The following EYS variants were observed in gnomAD, a reference collection of about 807,000 sequenced individuals.
The protein encoded by EYS is protein eyes shut homolog.
A neutral mutation model predicts 282.1 loss-of-function variants in EYS; 250 were observed. The ratio of observed to expected loss-of-function variants is 0.89; its 90% confidence interval spans 0.80 to 0.98. The LOEUF (loss-of-function observed/expected upper bound fraction) is 0.98, where lower values mean the gene tolerates loss of function less well. Ranked by LOEUF, EYS falls within the 50% of genes least tolerant of loss-of-function variation. The probability of loss-of-function intolerance (pLI) is 0.00; values close to 1 mark genes in which losing one functional copy is unlikely to be tolerated. For missense variants in EYS, 4,016 were observed against 3,709.0 expected (o/e 1.08, Z -2.15); for synonymous variants, 1,355 against 1,282.9 (o/e 1.06, Z -1.20).
At chr6:65,444,817 A>G (rs1768590482) in intron 5 of EYS, among the ~76,000 whole-genome samples, 1 of 152,096 alleles carries the variant, frequency 6.6e-6, no homozygotes, top group South Asian at 2.1e-4. Flanking sequence ...AATGAACTAT[A>G]TCAACTATTT....
chr6:65,270,615 T>C (rs1767872518), intron 12 of EYS, among the ~76,000 whole-genome samples: 1 of 152,190 alleles, frequency 6.6e-6, no homozygotes, highest in Admixed American at 6.5e-5. Flanking sequence ...CTTCAAGTCA[T>C]TTATCTCATC....
At chr6:63,880,487 GTATCTATC>G (rs56891791) in intron 35 of EYS, among the ~76,000 whole-genome samples, 33 of 142,780 alleles carry the variant, frequency 2.3e-4, no homozygotes, top group East Asian at 1.2e-3. Flanking sequence ...CTGTCTGTCT[GTATCTATC>G]TATCTATCTA....
chr6:65,025,309 TAAAAC>T (rs1007573945), intron 13 of EYS, among the ~76,000 whole-genome samples: 23 of 152,088 alleles, frequency 1.5e-4, no homozygotes, highest in African/African-American at 5.1e-4. Context: ...TCACCCCACT[TAAAAC>T]AATACAGCAA....
rs572962952 is a variant in EYS, at chr6:65,571,435, T to C, written c.-333+68343A>G. 2.6e-5 allele frequency among the ~76,000 whole-genome samples: 4 copies of C among 152,162 alleles called. No homozygotes were observed. The South Asian group carries it at 8.3e-4, about 32-fold the overall frequency. On this transcript the variant is annotated intron_variant, in intron 2 of 42. Coordinates refer to ENST00000503581, the MANE Select transcript of EYS (RefSeq NM_001142800.2). Reference sequence around the variant, plus strand: ...ATACTCTTTCTGGTACAGAGAAGGATAGACTTTTACAAATAGAAATTTCCT... The same window carrying C: ...ATACTCTTTCTGGTACAGAGAAGGACAGACTTTTACAAATAGAAATTTCCT...
At chr6:64,925,703 T>A (rs1768493712) in intron 15 of EYS, among the ~76,000 whole-genome samples, 1 of 152,154 alleles carries the variant, frequency 6.6e-6, no homozygotes, top group Non-Finnish European at 1.5e-5. Context: ...TGATCTCTCA[T>A]CTACACCCAA....
chr6:65,329,718 C>T (rs1769726595), intron 11 of EYS: 1 of 974,966 alleles, frequency 1.0e-6, no homozygotes, highest in Non-Finnish European at 1.2e-6. Context: ...GCAGAAATTA[C>T]AATAGTCTTA....
chr6:64,429,655 TAAAC>T (rs1191626017), intron 28 of EYS, among the ~76,000 whole-genome samples: 2 of 152,114 alleles, frequency 1.3e-5, no homozygotes, highest in Non-Finnish European at 2.9e-5. Flanking sequence ...AAGAAAAACT[TAAAC>T]ATGGTTAATT....
At chr6:64,155,544 G>A (rs1774887654) in intron 31 of EYS, among the ~76,000 whole-genome samples, 1 of 152,066 alleles carries the variant, frequency 6.6e-6, no homozygotes. Context: ...TAGAAAGGCT[G>A]AGCTTCACAA....
intron 31 of EYS, among the ~76,000 whole-genome samples, chr6:64,199,078 G>C (rs1347737305): frequency 1.3e-5 from 2 of 152,002 alleles, no homozygotes; most frequent in African/African-American, 2.4e-5. Flanking sequence ...CTAATGAGCA[G>C]TGACTACTTT....
chr6:64,304,127 C>A lies in EYS; in HGVS notation c.6191+2843G>T, dbSNP rs1441613929. 5.3e-5 allele frequency among the ~76,000 whole-genome samples: 8 copies of A among 152,246 alleles called. No individual in the cohort carries two copies. The East Asian group carries it at 1.5e-3, about 29-fold the overall frequency. ...ACTAAATAAACGTGAACTTCACCAG[C>A]TTTTGAGGCCGATGCTGCAGACTCT... is the stretch of plus-strand genomic sequence containing the variant. On this transcript the variant is annotated intron_variant, in intron 30 of 42. Transcript: ENST00000503581.
At chr6:65,185,520 AAC>A (rs1301616974) in intron 12 of EYS, among the ~76,000 whole-genome samples, 1 of 151,854 alleles carries the variant, frequency 6.6e-6, no homozygotes, top group Non-Finnish European at 1.5e-5. Context: ...ATTTATTCTA[AAC>A]ACAAAATATT....
intron 26 of EYS, among the ~76,000 whole-genome samples, chr6:64,454,467 A>G (rs1158704492): frequency 6.6e-6 from 1 of 152,164 alleles, no homozygotes; most frequent in Non-Finnish European, 1.5e-5. Flanking sequence ...CATTGATTTT[A>G]CTGAAAATGT....
At chr6:64,287,098 C>A (rs1768530388) in intron 30 of EYS, among the ~76,000 whole-genome samples, 1 of 152,068 alleles carries the variant, frequency 6.6e-6, no homozygotes, top group African/African-American at 2.4e-5. Context: ...TTCTAAAGCT[C>A]AATTGTTCAT....
At chr6:64,390,898 A>G (rs1459864418) in intron 28 of EYS, among the ~76,000 whole-genome samples, 1 of 147,406 alleles carries the variant, frequency 6.8e-6, no homozygotes, top group Non-Finnish European at 1.5e-5. Flanking sequence ...AGAATGTATA[A>G]CTAGAATAAC....
In EYS at chr6:63,724,115, G is replaced by A. The variant is rs114259742; in HGVS notation, c.8234-2318C>T. Among the ~76,000 whole-genome samples the A allele has an allele frequency of 3.7e-3, 564 of 152,150 alleles. 1 individual carries two copies. The highest frequency in any genetic ancestry group is 0.013 in the African/African-American group (520 of 41,542). ...TGCCACTGCACCTGGCCTTGGATTC[G>A]CATTAGAGTAAGAAAATGTAATGAA... On this transcript the variant is annotated intron_variant, in intron 42 of 42. Transcript: ENST00000503581.
At chr6:65,131,962 A>G (rs1460556354) in intron 12 of EYS, among the ~76,000 whole-genome samples, 1 of 151,992 alleles carries the variant, frequency 6.6e-6, no homozygotes, top group African/African-American at 2.4e-5. Context: ...AAACTGGAAA[A>G]CTTAGAAGAG....
chr6:63,959,804 T>C (rs1765975194), intron 35 of EYS, among the ~76,000 whole-genome samples: 1 of 151,590 alleles, frequency 6.6e-6, no homozygotes, highest in Non-Finnish European at 1.5e-5. Flanking sequence ...TAACTGGGAG[T>C]TGAACAGTGA....
chr6:65,287,422 C>T (rs1011711057), intron 12 of EYS, among the ~76,000 whole-genome samples: 7 of 151,424 alleles, frequency 4.6e-5, no homozygotes, highest in African/African-American at 1.5e-4. Flanking sequence ...AAATGTAGTT[C>T]TTTTGGAGAA....
At chr6:64,580,373 G>A (rs1008360718) in intron 26 of EYS, among the ~76,000 whole-genome samples, 2 of 152,090 alleles carry the variant, frequency 1.3e-5, no homozygotes, top group Non-Finnish European at 2.9e-5. Context: ...AAATCTTCAA[G>A]GTTTTTTTCA....
Sources: allele counts gnomAD v4.1 joint callset (sites outside exome capture counted in the v4.1 genomes callset), GRCh38; gene constraint gnomAD v4.1.1; transcripts MANE v1.5; gene names NCBI Gene and HGNC (gene_info 2026-07-23, HGNC 2026-07-21).